CTNNBL1: variants seen among roughly 807,000 people sequenced by gnomAD.
The protein encoded by CTNNBL1 is beta-catenin-like protein 1.
In CTNNBL1, 31 loss-of-function variants were observed where a neutral mutation model predicts 72.7. The observed-to-expected ratio is 0.43, with a 90% confidence interval of 0.32 to 0.58. CTNNBL1 has a LOEUF of 0.58. Among genes scored for constraint, CTNNBL1 ranks in the 20% least tolerant of loss-of-function variants. CTNNBL1 has a pLI of 0.08. For missense variants in CTNNBL1, 534 were observed against 725.1 expected (o/e 0.74, Z 3.03); for synonymous variants, 240 against 267.3 (o/e 0.90, Z 1.00).
chr20:37,774,302 G>A (rs2073554515), intron 7 of CTNNBL1, among the ~76,000 whole-genome samples: 1 of 152,118 alleles, frequency 6.6e-6, no homozygotes, highest in African/African-American at 2.4e-5. Flanking sequence ...CAGAGAGAGA[G>A]GAAATGGTGT....
At chr20:37,768,148 G>C in intron 7 of CTNNBL1, 104 bp downstream of exon 7, 1 of 916,628 alleles carries the variant, frequency 1.1e-6, no homozygotes, top group Non-Finnish European at 1.7e-6. Context: ...ATATGATCTA[G>C]TTTGGGAAGC....
intron 10 of CTNNBL1, among the ~76,000 whole-genome samples, chr20:37,794,410 G>A (rs1296041237): frequency 6.6e-6 from 1 of 152,026 alleles, no homozygotes; most frequent in Non-Finnish European, 1.5e-5. Context: ...TCCACCTCCT[G>A]GGTTCAAGCG....
At chr20:37,841,256 C>T (rs2072301757) in intron 12 of CTNNBL1, among the ~76,000 whole-genome samples, 1 of 152,044 alleles carries the variant, frequency 6.6e-6, no homozygotes, top group African/African-American at 2.4e-5. Flanking sequence ...TTTTTTCTAC[C>T]CTCACCAGGA....
intron 13 of CTNNBL1, 44 bp downstream of exon 13, chr20:37,842,463 C>A (rs1433863200): frequency 7.3e-7 from 1 of 1,366,250 alleles, no homozygotes; most frequent in Non-Finnish European, 1.0e-6. Context: ...GACTTGCCCT[C>A]CGTTTGGGTC....
In CTNNBL1 at chr20:37,781,693, C is replaced by A. The variant is rs1319603384; in HGVS notation, c.1031+2358C>A. On this transcript the variant is annotated intron_variant, in intron 10 of 15. Transcript: ENST00000361383. ...GAATTTTTTTTCCATACTATAGTCA[C>A]CCTTTCTGATCTTCTAGTAAGAGCT... 2.0e-5 allele frequency among the ~76,000 whole-genome samples: 3 copies of A among 152,302 alleles called. No individual in the cohort carries two copies. The East Asian group carries it at 5.8e-4, about 29-fold the overall frequency.
At chr20:37,697,415 C>T (rs529504964) in intron 1 of CTNNBL1, among the ~76,000 whole-genome samples, 2 of 152,258 alleles carry the variant, frequency 1.3e-5, no homozygotes, top group Admixed American at 6.5e-5. Flanking sequence ...GCAGCAAGAA[C>T]AGCAAGTATG....
At chr20:37,833,688 A>G (rs557376820) in intron 11 of CTNNBL1, among the ~76,000 whole-genome samples, 26 of 152,298 alleles carry the variant, frequency 1.7e-4, no homozygotes, top group African/African-American at 6.3e-4. Flanking sequence ...TGACAGCTCC[A>G]TAACCATCCT....
At chr20:37,714,112 C>T (rs563231197) in intron 1 of CTNNBL1, among the ~76,000 whole-genome samples, 14 of 152,210 alleles carry the variant, frequency 9.2e-5, no homozygotes, top group South Asian at 2.1e-4. Context: ...AATAAACTGC[C>T]GCAGAATCCT....
intron 6 of CTNNBL1, 22 bp downstream of exon 6, chr20:37,765,312 A>G (rs2073457385): frequency 6.8e-7 from 1 of 1,460,038 alleles, no homozygotes; most frequent in Non-Finnish European, 9.4e-7. Context: ...GGTGCTTGCC[A>G]TTGCCTGAGT....
chr20:37,774,986 C>A (rs1379478824), intron 7 of CTNNBL1, among the ~76,000 whole-genome samples: 2 of 151,886 alleles, frequency 1.3e-5, no homozygotes, highest in African/African-American at 4.8e-5. Flanking sequence ...GAAACTGAGA[C>A]TGAGAATGTT....
intron 10 of CTNNBL1, among the ~76,000 whole-genome samples, chr20:37,798,738 CTT>C (rs1345857953): frequency 6.6e-6 from 1 of 152,146 alleles, no homozygotes; most frequent in African/African-American, 2.4e-5. Flanking sequence ...ACACCAGAGT[CTT>C]TTGAATTGTA....
At chr20:37,810,401 A>G (rs902551686) in intron 11 of CTNNBL1, among the ~76,000 whole-genome samples, 2 of 152,194 alleles carry the variant, frequency 1.3e-5, no homozygotes, top group African/African-American at 4.8e-5. Flanking sequence ...CCACCAGACT[A>G]CATTAATCCC....
chr20:37,793,277 C>T (rs556193533), intron 10 of CTNNBL1, among the ~76,000 whole-genome samples: 1 of 152,312 alleles, frequency 6.6e-6, no homozygotes, highest in African/African-American at 2.4e-5. Flanking sequence ...TCAGTTCTAT[C>T]AGCTTTTGCT....
At chr20:37,787,393 G>A (rs920059899) in intron 10 of CTNNBL1, among the ~76,000 whole-genome samples, 11 of 131,710 alleles carry the variant, frequency 8.4e-5, no homozygotes, top group Middle Eastern at 0.011. Flanking sequence ...CGCCCAGGCT[G>A]GAGTGCAGTG....
intron 11 of CTNNBL1, among the ~76,000 whole-genome samples, chr20:37,830,531 G>A (rs1302211838): frequency 6.6e-6 from 1 of 152,144 alleles, no homozygotes; most frequent in Admixed American, 6.5e-5. Context: ...GGTTGAGAAA[G>A]TCAAATTTAG....
Position 37,777,664 on chromosome 20 carries a change from A to C in CTNNBL1, c.834A>C (p.Glu278Asp). The change falls in exon 9 of 16, where the codon GAA becomes GAC. Residue 278 changes from glutamate (E) to aspartate (D), a missense_variant. By Grantham distance (45) the Glu-to-Asp change is conservative (BLOSUM62 2). Coordinates refer to ENST00000361383, the MANE Select transcript of CTNNBL1 (RefSeq NM_030877.5). ...TTTTTTCCCCTTTAGAAAACAGGGA[A>C]TTGCTTGGGGAGCTGGATGGAATCG... Reference protein sequence around the residue: ...ILLQDNDENRELLGELDGIDV... With the variant: ...ILLQDNDENRDLLGELDGIDV... 1.9e-6 allele frequency: 3 copies of C among 1,613,746 alleles called. No homozygotes were observed. The highest frequency in any genetic ancestry group is 2.5e-6 in the Non-Finnish European group (3 of 1,179,720).
chr20:37,766,594 A>G (rs1373282543), intron 6 of CTNNBL1, among the ~76,000 whole-genome samples: 1 of 152,226 alleles, frequency 6.6e-6, no homozygotes, highest in East Asian at 1.9e-4. Flanking sequence ...AGGAGCAGCT[A>G]GCTCCTGTGC....
intron 10 of CTNNBL1, among the ~76,000 whole-genome samples, chr20:37,796,441 TTCA>T (rs1681160627): frequency 6.6e-6 from 1 of 151,904 alleles, no homozygotes; most frequent in African/African-American, 2.4e-5. Flanking sequence ...CATTGTTTTG[TTCA>T]TCTTTTTTTT....
intron 9 of CTNNBL1, among the ~76,000 whole-genome samples, chr20:37,778,597 A>G (rs2073597046): frequency 6.6e-6 from 1 of 152,206 alleles, no homozygotes; most frequent in Non-Finnish European, 1.5e-5. Context: ...AAGAAAACTA[A>G]TGCTGTAAGC....
Sources: allele counts gnomAD v4.1 joint callset (sites outside exome capture counted in the v4.1 genomes callset), GRCh38; gene constraint gnomAD v4.1.1; transcripts MANE v1.5; gene names NCBI Gene and HGNC (gene_info 2026-07-23, HGNC 2026-07-21).